Variants in LDLRAD4 observed in about 807,000 individuals in gnomAD.
LDLRAD4 encodes low-density lipoprotein receptor class A domain-containing protein 4.
Under a neutral mutation model 17.0 loss-of-function variants are expected in LDLRAD4, and 5 were observed. The ratio of observed to expected loss-of-function variants is 0.29; its 90% CI spans 0.15 to 0.62. The LOEUF (loss-of-function observed/expected upper bound fraction) is 0.62, where lower values mean the gene tolerates loss of function less well. LDLRAD4 is among the 20% of genes least tolerant of loss of function. The pLI, the probability that LDLRAD4 is intolerant of heterozygous loss-of-function variation, is 0.84. For missense variants in LDLRAD4, 340 were observed against 424.7 expected, an observed-to-expected ratio of 0.80 and a Z score of 1.75; for synonymous variants, 168 against 171.8, an observed-to-expected ratio of 0.98 and a Z score of 0.17.
intron 2 of LDLRAD4, among the ~76,000 whole-genome samples, chr18:13,435,018 G>C (rs1423376349): frequency 6.6e-6 from 1 of 152,244 alleles, no homozygotes; most frequent in African/African-American, 2.4e-5. Flanking sequence ...AAGACGTCCA[G>C]GTGATCCCAA....
intron 1 of LDLRAD4, among the ~76,000 whole-genome samples, chr18:13,337,981 A>G (rs185965256): frequency 6.6e-6 from 1 of 152,324 alleles, no homozygotes; most frequent in East Asian, 1.9e-4. Context: ...TATTTGTTAT[A>G]GAGGTAGATG....
intron 1 of LDLRAD4, among the ~76,000 whole-genome samples, chr18:13,356,293 C>G (rs2083338281): frequency 6.6e-6 from 1 of 152,350 alleles, no homozygotes; most frequent in Admixed American, 6.5e-5. Flanking sequence ...TGGCTGTGAG[C>G]CTTTGGCAGC....
At chr18:13,433,240 C>T (rs527499992) in intron 2 of LDLRAD4, among the ~76,000 whole-genome samples, 1 of 152,302 alleles carries the variant, frequency 6.6e-6, no homozygotes, top group East Asian at 1.9e-4. Flanking sequence ...ATGGAAAAGG[C>T]ACCCGTACAG....
intron 1 of LDLRAD4, among the ~76,000 whole-genome samples, chr18:13,352,412 T>G (rs900124965): frequency 6.6e-6 from 1 of 152,208 alleles, no homozygotes; most frequent in Non-Finnish European, 1.5e-5. Context: ...TTCAGCAGTT[T>G]AAATAAATCC....
chr18:13,275,401 A>G (rs1437687731), upstream of LDLRAD4, among the ~76,000 whole-genome samples: 1 of 152,232 alleles, frequency 6.6e-6, no homozygotes, highest in Admixed American at 6.5e-5. Flanking sequence ...CTTTTGGGGT[A>G]GAACATGAAG....
At chr18:13,462,381 C>T (rs3809905) in intron 3 of LDLRAD4, 9,900 of 152,462 alleles carry the variant, frequency 0.065, 388 homozygotes, top group South Asian at 0.11. Context: ...CACAGGGGGA[C>T]GGGCCAGGGA....
In LDLRAD4 at chr18:13,300,552, G is replaced by A. The variant is rs184320111; in HGVS notation, c.-383+22364G>A. Among the ~76,000 whole-genome samples the A allele has an allele frequency of 1.1e-4, 17 of 152,300 alleles. No homozygotes were observed. The East Asian group carries it at 2.3e-3, about 21-fold the overall frequency. On this transcript the variant is annotated intron_variant, in intron 1 of 5. Transcript: ENST00000359446. The surrounding 1 kb of genome is among the most constrained non-coding windows in gnomAD (Gnocchi z 4.2). ...TGGGCCTGTCCCGGTAGAGATACCC[G>A]GAACCCTCTCCTTCTCCTGGCTTAT...
chr18:13,437,903 C>T (rs1206963922), intron 2 of LDLRAD4, among the ~76,000 whole-genome samples: 2 of 152,192 alleles, frequency 1.3e-5, no homozygotes, highest in African/African-American at 2.4e-5. Context: ...TGTTTTCAAA[C>T]CGAATAATAG....
At chr18:13,311,310 A>G (rs567103557) in intron 1 of LDLRAD4, among the ~76,000 whole-genome samples, 12 of 152,336 alleles carry the variant, frequency 7.9e-5, no homozygotes, top group African/African-American at 2.9e-4. Context: ...AACAGAGCCC[A>G]CTCAGGCCTC....
chr18:13,552,319 G>A (rs1217362084), intron 3 of LDLRAD4, among the ~76,000 whole-genome samples: 1 of 152,208 alleles, frequency 6.6e-6, no homozygotes, highest in East Asian at 1.9e-4. Context: ...GATTGCTACT[G>A]ATGTCATCGA....
chr18:13,264,819 T>C (rs1347695735), intron 1 of LDLRAD4, among the ~76,000 whole-genome samples: 1 of 152,236 alleles, frequency 6.6e-6, no homozygotes, highest in Non-Finnish European at 1.5e-5. Flanking sequence ...AGCATATGGG[T>C]GCATTTCACA....
intron 3 of LDLRAD4, among the ~76,000 whole-genome samples, chr18:13,554,282 G>A (rs1266332249): frequency 4.6e-5 from 7 of 152,128 alleles, no homozygotes; most frequent in Non-Finnish European, 7.4e-5. Context: ...TTTAAGTTAT[G>A]GCCAAAGTCC....
chr18:13,557,454 G>A (rs772061735), intron 3 of LDLRAD4, among the ~76,000 whole-genome samples: 1 of 152,094 alleles, frequency 6.6e-6, no homozygotes, highest in African/African-American at 2.4e-5. Context: ...AAGCTGGGGC[G>A]CAGTGATGCG....
At chr18:13,410,833 G>C (rs1178048476) in intron 2 of LDLRAD4, among the ~76,000 whole-genome samples, 1 of 152,216 alleles carries the variant, frequency 6.6e-6, no homozygotes, top group Non-Finnish European at 1.5e-5. Context: ...TTTGTTAGTG[G>C]GAAGTGGAGA....
At chr18:13,487,030 G>GATGTTTAATGA (rs2093242725) in intron 3 of LDLRAD4, 1 of 152,206 alleles carries the variant, frequency 6.6e-6, no homozygotes, top group African/African-American at 2.4e-5. Flanking sequence ...GCATTTCCTT[G>GATGTTTAATGA]ATGTTTAATG....
At chr18:13,259,011 G>T (rs552330820) in intron 1 of LDLRAD4, among the ~76,000 whole-genome samples, 1 of 152,306 alleles carries the variant, frequency 6.6e-6, no homozygotes, top group Non-Finnish European at 1.5e-5. Context: ...GAGTATTTAG[G>T]TCAATGATCT....
intron 3 of LDLRAD4, among the ~76,000 whole-genome samples, chr18:13,573,700 T>G (rs1438781569): frequency 6.6e-6 from 1 of 152,232 alleles, no homozygotes; most frequent in Non-Finnish European, 1.5e-5. Flanking sequence ...CTAGAATTCA[T>G]TTGCTGTCAG....
At position 13,462,587 on chromosome 18, in the gene LDLRAD4, A is replaced by T. The variant is rs114532924; in HGVS notation, c.181+24203A>T. Reference sequence around the variant, plus strand: ...GGATTTTAATGATTCCAAAAAAGAAATCTGGGAGCTACAGAATTAGCATTT... The same window carrying T: ...GGATTTTAATGATTCCAAAAAAGAATTCTGGGAGCTACAGAATTAGCATTT... On this transcript the variant is annotated intron_variant, in intron 3 of 5. Transcript: ENST00000359446. Among the ~76,000 whole-genome samples, 479 of 152,346 alleles carry T rather than the reference A, an allele frequency of 3.1e-3. 5 individuals carry two copies. Among genetic ancestry groups the T allele is most frequent in the African/African-American group, 0.011 (457 of 41,572 alleles).
chr18:13,473,710 A>C lies in LDLRAD4; in HGVS notation c.181+35326A>C, dbSNP rs537478766. Among the ~76,000 whole-genome samples, 481 of 140,608 alleles carry C rather than the reference A, an allele frequency of 3.4e-3. 9 individuals are homozygous for C. Among genetic ancestry groups the C allele is most frequent in the African/African-American group, 0.012 (461 of 38,520 alleles). The allele number at this position is 140,608 out of a possible 152,430, so 92.2% of individuals were successfully genotyped here. ...TACATTTTATATATATTTATAATAT[A>C]CATATTATACAGGGGCGGGGCTTAT... On this transcript the variant is annotated intron_variant, in intron 3 of 5. Coordinates refer to ENST00000359446, the Ensembl canonical transcript of LDLRAD4.
Sources: gnomAD v4.1 joint callset for allele counts (sites outside exome capture counted in the v4.1 genomes callset) on GRCh38, gnomAD v4.1.1 for gene constraint, Gnocchi (gnomAD v3.1) non-coding constraint, MANE v1.5 for transcripts, NCBI Gene and HGNC (gene_info 2026-07-23, HGNC 2026-07-21) for gene names.